Variants in WDR70 observed in about 807,000 individuals in gnomAD.
WDR70 encodes WD repeat-containing protein 70.
In WDR70, 53 loss-of-function variants were observed where a neutral mutation model predicts 88.6. The ratio of observed to expected loss-of-function variants is 0.60; its 90% CI spans 0.48 to 0.75. WDR70 has a LOEUF of 0.75. Among genes scored for constraint, WDR70 ranks in the 30% least tolerant of loss-of-function variants. WDR70 has a pLI of 0.00. For missense variants in WDR70, 610 were observed against 823.2 expected (o/e 0.74, Z 3.17); for synonymous variants, 280 against 270.0 (o/e 1.04, Z -0.36).
At chr5:37,646,779 T>C (rs1304580958) in intron 10 of WDR70, among the ~76,000 whole-genome samples, 2 of 152,174 alleles carry the variant, frequency 1.3e-5, no homozygotes, top group Non-Finnish European at 2.9e-5. Flanking sequence ...CTCTTGCTCC[T>C]TTTAGGATCC....
At chr5:37,406,331 T>C (rs1749351804) in intron 5 of WDR70, among the ~76,000 whole-genome samples, 1 of 152,208 alleles carries the variant, frequency 6.6e-6, no homozygotes, top group South Asian at 2.1e-4. Context: ...AGTCTAATCC[T>C]ATATCACTTC....
At chr5:37,598,711 A>G (rs1056926563) in intron 9 of WDR70, among the ~76,000 whole-genome samples, 1 of 152,240 alleles carries the variant, frequency 6.6e-6, no homozygotes, top group African/African-American at 2.4e-5. Flanking sequence ...CTAAAGTGCT[A>G]GGCCATTAGA....
intron 9 of WDR70, among the ~76,000 whole-genome samples, chr5:37,548,775 G>A (rs922769222): frequency 1.3e-5 from 2 of 152,142 alleles, no homozygotes; most frequent in Non-Finnish European, 2.9e-5. Flanking sequence ...CATAGTTTGA[G>A]CTGTTAGATT....
At chr5:37,577,129 GC>G (rs1225178188) in intron 9 of WDR70, among the ~76,000 whole-genome samples, 3 of 152,174 alleles carry the variant, frequency 2.0e-5, no homozygotes, top group Admixed American at 2.0e-4. Flanking sequence ...ATGCTAGTGA[GC>G]AGGATAGCTC....
chr5:37,571,450 AG>A (rs1411545764), intron 9 of WDR70, among the ~76,000 whole-genome samples: 1 of 152,218 alleles, frequency 6.6e-6, no homozygotes, highest in Non-Finnish European at 1.5e-5. Flanking sequence ...GTTGTTGCCT[AG>A]ATGTTGGAAT....
At chr5:37,484,352 A>T (rs1739786664) in intron 8 of WDR70, among the ~76,000 whole-genome samples, 1 of 152,252 alleles carries the variant, frequency 6.6e-6, no homozygotes, top group Non-Finnish European at 1.5e-5. Flanking sequence ...TAGGAGCTGG[A>T]GACCAGCCTG....
intron 17 of WDR70, among the ~76,000 whole-genome samples, chr5:37,738,020 C>A (rs1234990866): frequency 7.3e-6 from 1 of 136,654 alleles, no homozygotes; most frequent in African/African-American, 2.8e-5. Context: ...GCCTAGTGTG[C>A]CTAATATTTA....
intron 10 of WDR70, among the ~76,000 whole-genome samples, chr5:37,633,023 G>T (rs535063066): frequency 1.5e-3 from 224 of 152,294 alleles, no homozygotes; most frequent in Middle Eastern, 3.4e-3. Flanking sequence ...GTTGCCTGTA[G>T]TACTCAGTAT....
At chr5:37,531,605 T>TTA (rs1741488050) in intron 9 of WDR70, among the ~76,000 whole-genome samples, 1 of 136,672 alleles carries the variant, frequency 7.3e-6, no homozygotes, top group Non-Finnish European at 1.5e-5. Context: ...TTTTTTTTTT[T>TTA]TTGTCTGATA....
chr5:37,704,005 AC>A (rs1210700098), intron 13 of WDR70, among the ~76,000 whole-genome samples: 1 of 152,208 alleles, frequency 6.6e-6, no homozygotes, highest in African/African-American at 2.4e-5. Context: ...TTTTTAAATT[AC>A]CAGCAAAAAA....
chr5:37,642,355 T>C (rs956811814), intron 10 of WDR70, among the ~76,000 whole-genome samples: 1 of 152,214 alleles, frequency 6.6e-6, no homozygotes, highest in African/African-American at 2.4e-5. Context: ...ATTCTTTAAG[T>C]TTGGAAAATA....
At chr5:37,569,823 A>T (rs529429230) in intron 9 of WDR70, among the ~76,000 whole-genome samples, 1 of 152,282 alleles carries the variant, frequency 6.6e-6, no homozygotes, top group South Asian at 2.1e-4. Context: ...TGAAGAAGTG[A>T]TATATAATTT....
At chr5:37,711,738 T>C (rs1047683306) in intron 13 of WDR70, among the ~76,000 whole-genome samples, 6 of 152,218 alleles carry the variant, frequency 3.9e-5, no homozygotes, top group African/African-American at 1.4e-4. Context: ...TCCTCAGGGC[T>C]GATGGTGTCA....
chr5:37,456,096 T>C (rs1738829987), intron 7 of WDR70, among the ~76,000 whole-genome samples: 1 of 152,216 alleles, frequency 6.6e-6, no homozygotes, highest in Non-Finnish European at 1.5e-5. Flanking sequence ...GACAGGTGTT[T>C]TTATTTCCCT....
In WDR70 at chr5:37,411,972, T is replaced by C. The variant is rs1167831811; in HGVS notation, c.492+15402T>C. ...TTTTTTTACTTATTTTATTCCATTT[T>C]GTTTATCTATAATGGTAATAAAATT... On this transcript the variant is annotated intron_variant, in intron 5 of 17. Transcript: ENST00000265107. 3.9e-5 allele frequency among the ~76,000 whole-genome samples: 6 copies of C among 152,186 alleles called. No individual in the cohort carries two copies. The East Asian group carries it at 1.2e-3, about 29-fold the overall frequency.
chr5:37,506,970 C>G (rs1418704686), intron 8 of WDR70: 2 of 659,416 alleles, frequency 3.0e-6, no homozygotes, highest in African/African-American at 3.6e-5. Flanking sequence ...ATTCACCTCC[C>G]TTTGCCACCT....
intron 9 of WDR70, among the ~76,000 whole-genome samples, chr5:37,555,225 G>T (rs1742262574): frequency 6.6e-6 from 1 of 152,194 alleles, no homozygotes; most frequent in African/African-American, 2.4e-5. Flanking sequence ...GTAGTGATAT[G>T]AGGCAGTCTT....
chr5:37,399,410 ACT>A (rs994472798), intron 5 of WDR70, among the ~76,000 whole-genome samples: 7 of 151,900 alleles, frequency 4.6e-5, no homozygotes, highest in South Asian at 4.1e-4. Context: ...ACAGAGCAAG[ACT>A]CTGTCTCAAA....
At chr5:37,546,296 A>G (rs1741989486) in intron 9 of WDR70, among the ~76,000 whole-genome samples, 1 of 152,226 alleles carries the variant, frequency 6.6e-6, no homozygotes. Flanking sequence ...AGTTTTATGT[A>G]ATTTTTACGC....
Sources: allele counts gnomAD v4.1 joint callset (sites outside exome capture counted in the v4.1 genomes callset), GRCh38; gene constraint gnomAD v4.1.1; transcripts MANE v1.5; gene names NCBI Gene and HGNC (gene_info 2026-07-23, HGNC 2026-07-21).